Variants in C5 observed in about 807,000 individuals in gnomAD.
The protein encoded by C5 is C3 and PZP-like alpha-2-macroglobulin domain-containing protein 4.
In C5, 140 loss-of-function variants were observed where a neutral mutation model predicts 218.8. The ratio of observed to expected loss-of-function variants is 0.64; its 90% CI spans 0.56 to 0.74. The LOEUF is 0.74. C5 is among the 30% of genes least tolerant of loss of function. C5 has a pLI of 0.00. For synonymous variants in C5, 614 were observed against 682.3 expected (o/e 0.90, Z 1.56); for missense variants, 1,700 against 1,969.6 (o/e 0.86, Z 2.59).
intron 39 of C5, among the ~76,000 whole-genome samples, chr9:120,955,727 AT>A (rs1408052040): frequency 2.0e-5 from 3 of 152,204 alleles, no homozygotes; most frequent in African/African-American, 7.2e-5. Flanking sequence ...CAAAGTGTTG[AT>A]AAAGCAAATA....
chr9:121,000,201 G>A (rs1414581502), intron 20 of C5: 1 of 167,066 alleles, frequency 6.0e-6, no homozygotes, highest in African/African-American at 2.4e-5. Flanking sequence ...ATAAAGAGAT[G>A]TAAAAGATTC....
intron 21 of C5, 90 bp downstream of exon 21, chr9:120,997,457 A>T: frequency 9.9e-7 from 1 of 1,008,930 alleles, no homozygotes; most frequent in Non-Finnish European, 1.5e-6. Context: ...ATGTTTCGTT[A>T]AATTTACACT....
intron 39 of C5, among the ~76,000 whole-genome samples, chr9:120,955,704 T>A (rs562981182): frequency 8.6e-5 from 13 of 151,796 alleles, no homozygotes; most frequent in East Asian, 7.7e-4. Context: ...AACAAAAATT[T>A]AAAAAAAATT....
chr9:121,018,607 AAGGAAGGAAGGC>A (rs1564153721), intron 12 of C5, among the ~76,000 whole-genome samples: 1 of 93,776 alleles, frequency 1.1e-5, no homozygotes, highest in Non-Finnish European at 2.2e-5. Flanking sequence ...GGAAGGAAGG[AAGGAAGGAAGGC>A]AAGAAAGAAG....
At chr9:120,961,621 T>A in intron 36 of C5, 56 bp from the exon 37 acceptor site, 1 of 1,097,272 alleles carries the variant, frequency 9.1e-7, no homozygotes, top group South Asian at 1.2e-5. Context: ...ACAACACATT[T>A]ACTAATTGGC....
chr9:121,043,685 A>G (rs989587315), intron 2 of C5, among the ~76,000 whole-genome samples: 1 of 145,914 alleles, frequency 6.9e-6, no homozygotes, highest in Non-Finnish European at 1.5e-5. Flanking sequence ...GGTGTGCGCC[A>G]CCATGTCCAG....
the C5 span, among the ~76,000 whole-genome samples, chr9:121,063,406 G>GT: frequency 6.6e-6 from 1 of 151,814 alleles, no homozygotes; most frequent in Non-Finnish European, 1.5e-5. Flanking sequence ...TCTTTGTATG[G>GT]TAAGACGTAG....
chr9:121,049,992 A>C (rs778040922), intron 1 of C5, among the ~76,000 whole-genome samples, 190 bp downstream of exon 1: 20 of 152,202 alleles, frequency 1.3e-4, no homozygotes, highest in Admixed American at 7.9e-4. Context: ...ATTCCATAAA[A>C]GCTGTCATGT....
intron 5 of C5, among the ~76,000 whole-genome samples, chr9:121,034,059 T>A (rs1017678462): frequency 6.6e-6 from 1 of 152,122 alleles, no homozygotes; most frequent in African/African-American, 2.4e-5. Flanking sequence ...TAGCTGGGAT[T>A]ACAGGTGCCT....
chr9:120,982,962 A>G, intron 25 of C5, 148 bp from the exon 26 acceptor site: 1 of 585,146 alleles, frequency 1.7e-6, no homozygotes, highest in East Asian at 2.9e-5. Flanking sequence ...AAGGAAGGGA[A>G]GATTTTTGGA....
intron 5 of C5, among the ~76,000 whole-genome samples, chr9:121,032,784 G>A (rs889308088): frequency 5.3e-5 from 8 of 152,180 alleles, no homozygotes; most frequent in African/African-American, 1.9e-4. Context: ...AGGATCGCTT[G>A]AGCCCAGGAG....
chr9:121,067,921 C>T, the C5 span, among the ~76,000 whole-genome samples: 1 of 152,164 alleles, frequency 6.6e-6, no homozygotes, highest in Non-Finnish European at 1.5e-5. Context: ...ATAAATTACT[C>T]AGTCTCAGTA....
upstream of C5, among the ~76,000 whole-genome samples, chr9:121,055,159 C>T (rs943583984): frequency 6.6e-6 from 1 of 152,008 alleles, no homozygotes. Flanking sequence ...TTTATGTCTT[C>T]GCCTGTAACT....
intron 40 of C5, 148 bp downstream of exon 40, chr9:120,953,582 A>G: frequency 1.1e-6 from 1 of 869,988 alleles, no homozygotes; most frequent in Non-Finnish European, 1.9e-6. Context: ...ATGGTTTTAA[A>G]TCATTCTTTG....
the C5 span, among the ~76,000 whole-genome samples, chr9:121,068,583 T>C: frequency 6.6e-6 from 1 of 152,128 alleles, no homozygotes; most frequent in Admixed American, 6.5e-5. Context: ...CAATGCAATC[T>C]CTATCAAAAT....
chr9:121,050,420 A>G (rs2047663478), upstream of C5: 1 of 635,724 alleles, frequency 1.6e-6, no homozygotes, highest in East Asian at 2.8e-5. Flanking sequence ...CCAGGAATAC[A>G]GATAGGGAGT....
chr9:121,055,005 A>G (rs766363669), upstream of C5, among the ~76,000 whole-genome samples: 4 of 152,010 alleles, frequency 2.6e-5, no homozygotes, highest in Non-Finnish European at 4.4e-5. Context: ...CTTACTATTG[A>G]CTTTAAGCCT....
chr9:120,965,772 A>T (rs1445457802), intron 33 of C5, among the ~76,000 whole-genome samples: 1 of 152,172 alleles, frequency 6.6e-6, no homozygotes, highest in Non-Finnish European at 1.5e-5. Flanking sequence ...ACAGATGCAA[A>T]CACTTTGTCA....
intron 20 of C5, among the ~76,000 whole-genome samples, chr9:121,001,091 A>T (rs1037452715): frequency 1.3e-5 from 2 of 152,244 alleles, no homozygotes; most frequent in African/African-American, 4.8e-5. Context: ...TACCAGCAAC[A>T]TTTATAATCA....
Sources: allele counts gnomAD v4.1 joint callset (sites outside exome capture counted in the v4.1 genomes callset), GRCh38; gene constraint gnomAD v4.1.1; transcripts MANE v1.5; gene names NCBI Gene and HGNC (gene_info 2026-07-23, HGNC 2026-07-21).